PNMA8B: variants seen among roughly 807,000 people sequenced by gnomAD.
PNMA8B encodes paraneoplastic antigen-like protein 8B.
For synonymous variants in PNMA8B, 386 were observed against 394.9 expected, an observed-to-expected ratio of 0.98 and a Z score of 0.27; for missense variants, 887 against 885.8, an observed-to-expected ratio of 1.00 and a Z score of -0.02.
chr19:46,494,189 TG>T lies in PNMA8B; in HGVS notation c.1276del (p.Gln426ArgfsTer38). 6.2e-7 allele frequency: 1 copy of T among 1,609,546 alleles called. No homozygotes were observed. ...STLAQPDLPP[Q>X]AKKAGRGLFG... ...GAGGCCACGCCCAGCCTTCTTCGCC[TG>T]GGGAGGGAGATCCGGCTGCGCCAAG... On this transcript the variant is annotated frameshift_variant, in exon 1 of 1. Coordinates refer to ENST00000599531, the MANE Select transcript of PNMA8B (RefSeq NM_020709.3). LOFTEE classifies it low-confidence loss of function (END_TRUNC).
Position 46,492,829 on chromosome 19 carries a change from G to C in PNMA8B, c.*729C>G, listed in dbSNP as rs1276282069. 1 of 153,054 alleles carries C rather than the reference G, an allele frequency of 6.5e-6. No homozygotes were observed. Among genetic ancestry groups the C allele is most frequent in the Non-Finnish European group, 1.5e-5 (1 of 68,408 alleles). 9.5% of individuals were successfully genotyped at this position (153,054 alleles called of 1,614,324 possible). A position where few individuals can be genotyped will look rare whatever the true frequency, so the allele number is the denominator to read the frequency against. ...AGTGACAAATTCAACTTGTGGTCAG[G>C]GGCAGGTGGCCTTGGCCTGGGGCTG... On this transcript the variant is annotated 3_prime_UTR_variant, in exon 1 of 1. Coordinates refer to ENST00000599531, the MANE Select transcript of PNMA8B (RefSeq NM_020709.3).
Position 46,494,566 on chromosome 19 carries a change from G to T in PNMA8B, c.900C>A (p.Asp300Glu). Residue 300 changes from aspartate to glutamate, a missense_variant, in exon 1 of 1, where the codon GAC (aspartate) becomes GAA (glutamate). By Grantham distance (45) the Asp-to-Glu change is conservative. Transcript: ENST00000599531. ...PDLVALLAVR[D>E]TPDEEPVDSD... The stretch of plus-strand genomic sequence containing the variant: ...TGTCCACCGGCTCCTCGTCCGGGGT[G>T]TCTCTCACAGCCAGCAGGGCCACTA... 6.2e-7 allele frequency: 1 copy of T among 1,614,060 alleles called. No individual in the cohort carries two copies. Among genetic ancestry groups the T allele is most frequent in the South Asian group, 1.1e-5 (1 of 91,088 alleles).
rs758098554 is a variant in PNMA8B, at chr19:46,492,139, A to T, written c.*1419T>A. 3.8e-5 allele frequency: 17 copies of T among 444,238 alleles called. No individual in the cohort carries two copies. The highest frequency in any genetic ancestry group is 3.3e-4 in the Middle Eastern group (1 of 3,042). The allele number at this position is 444,238 out of a possible 1,614,324, so 27.5% of individuals were successfully genotyped here. A position where few individuals can be genotyped will look rare whatever the true frequency, so the allele number is the denominator to read the frequency against. ...ACAGTCTGGTCTGGACTGTGAGGTC[A>T]CACCCAAACCCTCCTATTCCTTCCC... is the stretch of plus-strand genomic sequence containing the variant. On this transcript the variant is annotated 3_prime_UTR_variant, in exon 1 of 1. Transcript: ENST00000599531.
In PNMA8B at chr19:46,495,252, C is replaced by T. The variant is rs867371852; in HGVS notation, c.214G>A (p.Asp72Asn). The T allele has an allele frequency of 1.3e-6, 2 of 1,575,698 alleles. No individual in the cohort carries two copies. The highest frequency in any genetic ancestry group is 1.7e-5 in the Admixed American group (1 of 59,988). Residue 72 changes from aspartate (D) to asparagine (N), a missense_variant, in exon 1 of 1, where the codon GAC becomes AAC. Physicochemically the swap from Asp to Asn is conservative, Grantham distance 23. Transcript: ENST00000599531. ...CTGGGAATGGCAGCGTGATTGACGT[C>T]CTCCACAAACTCCACCAGGGCGGCC... Reference protein sequence around the residue: ...AQAALVEFVEDVNHAAIPREI... With the variant: ...AQAALVEFVENVNHAAIPREI...
Position 46,494,444 on chromosome 19 carries a change from G to C in PNMA8B, c.1022C>G (p.Pro341Arg). The C allele has an allele frequency of 6.2e-7, 1 of 1,613,990 alleles. No individual in the cohort carries two copies. The highest frequency in any genetic ancestry group is 8.5e-7 in the Non-Finnish European group (1 of 1,179,910). ...CTCCTCCCGGGCCCAGGGGTCCGAC[G>C]GGTCGGTATAGGCCACAATGGCCAC... Reference protein sequence around the residue: ...EFVAIVAYTDPSDPWAREEML... With the variant: ...EFVAIVAYTDRSDPWAREEML... The change falls in exon 1 of 1, where the codon CCG becomes CGG. Residue 341 changes from proline to arginine, a missense_variant. Coordinates refer to ENST00000599531, the MANE Select transcript of PNMA8B (RefSeq NM_020709.3).
Position 46,494,232 on chromosome 19 carries a change from G to A in PNMA8B, c.1234C>T (p.Arg412Trp), listed in dbSNP as rs200902959. ...LRKAGDDGDL[R>W]ECISTLAQPD... Reference sequence around the variant, plus strand: ...TGCGCCAAGGTGGAAATGCACTCCCGGAGGTCCCCGTCATCCCCGGCCTTG... The same window carrying A: ...TGCGCCAAGGTGGAAATGCACTCCCAGAGGTCCCCGTCATCCCCGGCCTTG... Residue 412 changes from arginine (R) to tryptophan (W), a missense_variant, in exon 1 of 1, where the codon CGG becomes TGG. Arg to Trp is a moderately radical substitution (Grantham distance 101). Transcript: ENST00000599531. 162 of 1,609,156 alleles carry A rather than the reference G, an allele frequency of 1.0e-4. 1 individual carries two copies. Among genetic ancestry groups the A allele is most frequent in the East Asian group, 2.2e-5 (1 of 44,846 alleles).
Position 46,495,447 on chromosome 19 carries a change from G to T in PNMA8B, c.19C>A (p.Gln7Lys). MAMSLL[Q>K]DWCRSLDVDA... ...ACGTCCAGGCTCCGGCACCAGTCCTGCAAAAGGCTCATGGCCATGGTGCAG... is the reference window on the plus strand; with the variant it reads ...ACGTCCAGGCTCCGGCACCAGTCCTTCAAAAGGCTCATGGCCATGGTGCAG... Residue 7 changes from glutamine to lysine, a missense_variant, in exon 1 of 1, where the codon CAG becomes AAG. Transcript: ENST00000599531. 1 of 1,593,134 alleles carries T rather than the reference G, an allele frequency of 6.3e-7. No homozygotes were observed. Among genetic ancestry groups the T allele is most frequent in the Non-Finnish European group, 8.6e-7 (1 of 1,162,632 alleles).
rs1406823463 is a variant in PNMA8B, at chr19:46,492,952, C to T, written c.*606G>A. ...CCTCCTCCTCTTTCCCTTCTCCCACCGTTCCTCTCCCCTTTCCTCCTCCTC... is the reference window on the plus strand; with the variant it reads ...CCTCCTCCTCTTTCCCTTCTCCCACTGTTCCTCTCCCCTTTCCTCCTCCTC... On this transcript the variant is annotated 3_prime_UTR_variant, in exon 1 of 1. Coordinates refer to ENST00000599531, the MANE Select transcript of PNMA8B (RefSeq NM_020709.3). 3 of 154,810 alleles carry T rather than the reference C, an allele frequency of 1.9e-5. No individual in the cohort carries two copies. The highest frequency in any genetic ancestry group is 4.4e-5 in the Non-Finnish European group (3 of 68,490). The allele number at this position is 154,810 out of a possible 1,614,324, so 9.6% of individuals were successfully genotyped here.
In PNMA8B at chr19:46,494,636, G is replaced by C. The variant is rs1375838546; in HGVS notation, c.830C>G (p.Ser277Cys). The C allele has an allele frequency of 6.2e-7, 1 of 1,614,046 alleles. No individual in the cohort carries two copies. Among genetic ancestry groups the C allele is most frequent in the Admixed American group, 1.7e-5 (1 of 60,034 alleles). Reference protein sequence around the residue: ...EAEKEPAGAESIRLNTKEDKN... With the variant: ...EAEKEPAGAECIRLNTKEDKN... ...GTCTTCTTTGGTGTTCAAGCGGATGGATTCGGCCCCAGCTGGCTCCTTCTC... is the reference window on the plus strand; with the variant it reads ...GTCTTCTTTGGTGTTCAAGCGGATGCATTCGGCCCCAGCTGGCTCCTTCTC... The change falls in exon 1 of 1, where the codon TCC becomes TGC. Residue 277 changes from serine (S) to cysteine (C), a missense_variant. Physicochemically the swap from Ser to Cys is moderately radical, Grantham distance 112. Coordinates refer to ENST00000599531, the MANE Select transcript of PNMA8B (RefSeq NM_020709.3).
rs1231929337 is a variant in PNMA8B, at chr19:46,494,231, C to G, written c.1235G>C (p.Arg412Pro). Residue 412 changes from arginine to proline, a missense_variant, in exon 1 of 1, where the codon CGG (arginine) becomes CCG (proline). Arg to Pro is a moderately radical substitution (Grantham distance 103). Transcript: ENST00000599531. ...LRKAGDDGDL[R>P]ECISTLAQPD... is the part of the protein sequence containing the mutation. Reference sequence around the variant, plus strand: ...CTGCGCCAAGGTGGAAATGCACTCCCGGAGGTCCCCGTCATCCCCGGCCTT... The same window carrying G: ...CTGCGCCAAGGTGGAAATGCACTCCGGGAGGTCCCCGTCATCCCCGGCCTT... 3.7e-6 allele frequency: 6 copies of G among 1,609,246 alleles called. No homozygotes were observed. In the East Asian group the frequency reaches 8.9e-5, roughly 24 times the overall value.
Position 46,492,745 on chromosome 19 carries a change from AT to A in PNMA8B, c.*812del, listed in dbSNP as rs1476325822. 6.6e-6 allele frequency: 1 copy of A among 152,354 alleles called. No individual in the cohort carries two copies. Among genetic ancestry groups the A allele is most frequent in the East Asian group, 1.9e-4 (1 of 5,194 alleles). 9.4% of individuals were successfully genotyped at this position (152,354 alleles called of 1,614,324 possible). A position where few individuals can be genotyped will look rare whatever the true frequency, so the allele number is the denominator to read the frequency against. ...AGAACCAAAACTGGATTTTAAGTGA[AT>A]TACCCCAAATTGAACACCTCTGCAA... On this transcript the variant is annotated 3_prime_UTR_variant, in exon 1 of 1. Coordinates refer to ENST00000599531, the MANE Select transcript of PNMA8B (RefSeq NM_020709.3).
rs1274570227 is a variant in PNMA8B at position 46,494,023 on chromosome 19, T to C, written c.1443A>G (p.Lys481=). 6 of 1,613,650 alleles carry C rather than the reference T, an allele frequency of 3.7e-6. No individual in the cohort carries two copies. The highest frequency in any genetic ancestry group is 5.1e-6 in the Non-Finnish European group (6 of 1,179,818). The part of the protein sequence containing the change: ...AWEGGKYKYP[K]GKLGEVLALL... ...GCGCCAATACCTCCCCCAGTTTGCCTTTGGGGTATTTGTACTTCCCGCCTT... is the reference window on the plus strand; with the variant it reads ...GCGCCAATACCTCCCCCAGTTTGCCCTTGGGGTATTTGTACTTCCCGCCTT... The change falls in exon 1 of 1, where the codon AAA becomes AAG. Residue 481 remains lysine, a synonymous_variant. Coordinates refer to ENST00000599531, the MANE Select transcript of PNMA8B (RefSeq NM_020709.3).
At position 46,492,215 on chromosome 19, in the gene PNMA8B, G is replaced by A. The variant is rs1308006168; in HGVS notation, c.*1343C>T. On this transcript the variant is annotated 3_prime_UTR_variant, in exon 1 of 1. Transcript: ENST00000599531. ...GGCACGATGGGCTCCTCACTGCCAG[G>A]GAATGGAAATTGGGACGAGGAAGCA... The A allele has an allele frequency of 2.6e-6, 1 of 383,800 alleles. No homozygotes were observed. The highest frequency in any genetic ancestry group is 2.1e-5 in the African/African-American group (1 of 47,896). 23.8% of individuals were successfully genotyped at this position (383,800 alleles called of 1,614,324 possible).
rs139994198 is a variant in PNMA8B, at chr19:46,495,077, G to C, written c.389C>G (p.Pro130Arg). 1.4e-3 allele frequency: 2,183 copies of C among 1,612,576 alleles called. 1 individual carries two copies. Among genetic ancestry groups the C allele is most frequent in the Non-Finnish European group, 1.7e-3 (2,017 of 1,179,806 alleles). Residue 130 changes from proline to arginine, a missense_variant, in exon 1 of 1, where the codon CCT (proline) becomes CGT (arginine). Transcript: ENST00000599531. ...EAGTPGEAPT[P>R]PASETQAQDS... Reference sequence around the variant, plus strand: ...CTGGGCCTGCGTCTCCGAAGCGGGAGGGGTGGGTGCCTCCCCGGGGGTCCC... The same window carrying C: ...CTGGGCCTGCGTCTCCGAAGCGGGACGGGTGGGTGCCTCCCCGGGGGTCCC...
Position 46,495,728 on chromosome 19 carries a change from A to T in PNMA8B, c.-263T>A. ...CGGGGGGCTTACGTGTCTGCTTTCC[A>T]GGACAGCTCCCTCCCTCTCTCCCTG... On this transcript the variant is annotated 5_prime_UTR_variant, in exon 1 of 1. Transcript: ENST00000599531. 2.1e-6 allele frequency: 1 copy of T among 471,816 alleles called. No individual in the cohort carries two copies. The highest frequency in any genetic ancestry group is 3.9e-6 in the Non-Finnish European group (1 of 254,140). The allele number at this position is 471,816 out of a possible 1,614,324, so 29.2% of individuals were successfully genotyped here. A position where few individuals can be genotyped will look rare whatever the true frequency, so the allele number is the denominator to read the frequency against.
chr19:46,494,141 C>A lies in PNMA8B; in HGVS notation c.1325G>T (p.Arg442Leu). ...RGLFGGWSEH[R>L]EDEGGLLELV... ...CTCCAGAAGACCCCCTTCGTCCTCACGGTGCTCGCTCCAGCCCCCGAAGAG... is the reference window on the plus strand; with the variant it reads ...CTCCAGAAGACCCCCTTCGTCCTCAAGGTGCTCGCTCCAGCCCCCGAAGAG... Residue 442 changes from arginine (R) to leucine (L), a missense_variant, in exon 1 of 1, where the codon CGT becomes CTT. By Grantham distance (102) the Arg-to-Leu change is moderately radical. Transcript: ENST00000599531. The A allele has an allele frequency of 3.1e-6, 5 of 1,611,108 alleles. No homozygotes were observed. The highest frequency in any genetic ancestry group is 4.2e-6 in the Non-Finnish European group (5 of 1,179,838).
In PNMA8B at chr19:46,495,783, C is replaced by G. The variant is rs1264095956; in HGVS notation, c.-318G>C. The G allele has an allele frequency of 3.5e-6, 1 of 287,232 alleles. No individual in the cohort carries two copies. Among genetic ancestry groups the G allele is most frequent in the Admixed American group, 4.9e-5 (1 of 20,502 alleles). The allele number at this position is 287,232 out of a possible 1,614,324, so 17.8% of individuals were successfully genotyped here. ...AGGCCTGAGTGACTCGGCACCGCAG[C>G]CAGGTGCAGGGGGGCGGCGCCGAGT... On this transcript the variant is annotated 5_prime_UTR_variant, in exon 1 of 1. Coordinates refer to ENST00000599531, the MANE Select transcript of PNMA8B (RefSeq NM_020709.3).
Position 46,492,344 on chromosome 19 carries a change from CA to C in PNMA8B, c.*1213del, listed in dbSNP as rs1568615960. On this transcript the variant is annotated 3_prime_UTR_variant, in exon 1 of 1. Coordinates refer to ENST00000599531, the MANE Select transcript of PNMA8B (RefSeq NM_020709.3). Reference sequence around the variant, plus strand: ...TCAGCCGGGGTTGCAGGAGCTGAAGCATACGGCACGGCACGGCACAGACTCA... The same window carrying C: ...TCAGCCGGGGTTGCAGGAGCTGAAGCTACGGCACGGCACGGCACAGACTCA... 1 of 282,768 alleles carries C rather than the reference CA, an allele frequency of 3.5e-6. No homozygotes were observed. Among genetic ancestry groups the C allele is most frequent in the Non-Finnish European group, 7.3e-6 (1 of 136,212 alleles). 17.5% of individuals were successfully genotyped at this position (282,768 alleles called of 1,614,324 possible). A position where few individuals can be genotyped will look rare whatever the true frequency, so the allele number is the denominator to read the frequency against.
Position 46,493,382 on chromosome 19 carries a change from G to T in PNMA8B, c.*176C>A. Reference sequence around the variant, plus strand: ...TCCGTCGGGATCGCTGGCGCCCCCGGCCTGCGAGGGCCCGAGAGGGGAACG... The same window carrying T: ...TCCGTCGGGATCGCTGGCGCCCCCGTCCTGCGAGGGCCCGAGAGGGGAACG... On this transcript the variant is annotated 3_prime_UTR_variant, in exon 1 of 1. Coordinates refer to ENST00000599531, the MANE Select transcript of PNMA8B (RefSeq NM_020709.3). The surrounding 1 kb of genome is among the most constrained non-coding windows in gnomAD (Gnocchi z 5.3). The T allele has an allele frequency of 2.4e-6, 1 of 424,176 alleles. No homozygotes were observed. Among genetic ancestry groups the T allele is most frequent in the South Asian group, 1.2e-4 (1 of 8,386 alleles). 26.3% of individuals were successfully genotyped at this position (424,176 alleles called of 1,614,324 possible).
Sources: allele counts gnomAD v4.1 joint callset, GRCh38; gene constraint gnomAD v4.1.1; non-coding constraint Gnocchi (gnomAD v3.1); transcripts MANE v1.5; gene names NCBI Gene and HGNC (gene_info 2026-07-23, HGNC 2026-07-21).